The following TCF20 variants were observed in gnomAD, a reference collection of about 807,000 sequenced individuals.
TCF20 encodes SPRE-binding protein.
TCF20 carries 3 observed loss-of-function variants against 148.6 expected under a neutral mutation model. The observed-to-expected ratio is 0.02, with a 90% CI of 0.01 to 0.05. The LOEUF is 0.05. Ranked by LOEUF, TCF20 falls within the 10% of genes least tolerant of loss-of-function variation. The pLI, the probability that TCF20 is intolerant of heterozygous loss-of-function variation, is 1.00. For missense variants in TCF20, 2,350 were observed against 2,429.3 expected, an observed-to-expected ratio of 0.97 and a Z score of 0.69; for synonymous variants, 1,049 against 909.5, an observed-to-expected ratio of 1.15 and a Z score of -2.76.
chr22:42,241,313 TGA>T (rs1281293665), intron 1 of TCF20, among the ~76,000 whole-genome samples: 1 of 152,142 alleles, frequency 6.6e-6, no homozygotes, highest in Non-Finnish European at 1.5e-5. Context: ...GTAAGAACCA[TGA>T]GAGGCAGTTA....
At chr22:42,195,448 G>A (rs1244646125) in intron 2 of TCF20, among the ~76,000 whole-genome samples, 4 of 150,476 alleles carry the variant, frequency 2.7e-5, no homozygotes, top group East Asian at 2.0e-4. Context: ...ATTTTTATAC[G>A]TAGATTAAAA....
At chr22:42,243,292 CAAAAAAAAAAA>C (rs3045578) in intron 1 of TCF20, among the ~76,000 whole-genome samples, 16 of 39,502 alleles carry the variant, frequency 4.1e-4, no homozygotes, top group South Asian at 2.6e-3. Flanking sequence ...GACACTGTCT[CAAAAAAAAAAA>C]AAAAAAAAAA....
At chr22:42,264,135 G>A (rs1926160129) in intron 1 of TCF20, among the ~76,000 whole-genome samples, 1 of 151,888 alleles carries the variant, frequency 6.6e-6, no homozygotes, top group Admixed American at 6.6e-5. Context: ...GATCCGCACA[G>A]TTCCCTCCCT....
intron 1 of TCF20, among the ~76,000 whole-genome samples, chr22:42,277,870 A>G (rs766123973): frequency 3.3e-5 from 5 of 152,216 alleles, no homozygotes; most frequent in Non-Finnish European, 7.3e-5. Context: ...TCCTAGGCCA[A>G]GCTCTCAAAG....
chr22:42,246,402 C>A lies in TCF20; in HGVS notation c.-37+23937G>T, dbSNP rs983983286. ...TGGGATACAGGCATGAGTCACCAGG[C>A]CTGGCCTCAATATACTTAATTCTTT... is the stretch of plus-strand genomic sequence containing the variant. On this transcript the variant is annotated intron_variant, in intron 1 of 5. Coordinates refer to ENST00000677622, the MANE Select transcript of TCF20 (RefSeq NM_001378418.1). Among the ~76,000 whole-genome samples the A allele has an allele frequency of 2.0e-5, 3 of 152,216 alleles. No individual in the cohort carries two copies. In the South Asian group the frequency reaches 6.2e-4, roughly 32 times the overall value.
At chr22:42,263,815 C>T (rs1425957429) in intron 1 of TCF20, among the ~76,000 whole-genome samples, 1 of 152,158 alleles carries the variant, frequency 6.6e-6, no homozygotes, top group Non-Finnish European at 1.5e-5. Flanking sequence ...CCAGGAGCTT[C>T]CTTTTTCCAC....
rs1484347120 is a variant in TCF20 at position 42,211,980 on chromosome 22, A to G, written c.3326T>C (p.Ile1109Thr). 1 of 1,614,118 alleles carries G rather than the reference A, an allele frequency of 6.2e-7. No individual in the cohort carries two copies. The change falls in exon 2 of 6, where the codon ATT becomes ACT. Residue 1109 changes from isoleucine to threonine, a missense_variant. Ile to Thr is a moderately conservative substitution (Grantham distance 89). Coordinates refer to ENST00000677622, the MANE Select transcript of TCF20 (RefSeq NM_001378418.1). ...CTCCTGCCTGTGCTGTGCTGCAGCA[A>G]TTACTCCCTGAGCAGAACCGCTGCT... ...DWSSGSAQGV[I>T]AAAQHRQEGP...
At chr22:42,301,482 G>A (rs1051617788) in intron 1 of TCF20, among the ~76,000 whole-genome samples, 1 of 152,202 alleles carries the variant, frequency 6.6e-6, no homozygotes, top group Non-Finnish European at 1.5e-5. Context: ...CCTGCAAGGT[G>A]AGGACAGGAG....
intron 1 of TCF20, among the ~76,000 whole-genome samples, chr22:42,246,128 T>A (rs1411072622): frequency 1.3e-5 from 2 of 152,164 alleles, no homozygotes; most frequent in Admixed American, 1.3e-4. Flanking sequence ...TTTTCTGAGA[T>A]GGAGTCTCAC....
chr22:42,239,526 G>A (rs966155647), intron 1 of TCF20, among the ~76,000 whole-genome samples: 1 of 151,720 alleles, frequency 6.6e-6, no homozygotes, highest in African/African-American at 2.4e-5. Flanking sequence ...GGTGGCTCAT[G>A]CCTGTAATCC....
intron 2 of TCF20, among the ~76,000 whole-genome samples, chr22:42,188,380 T>C (rs1240915627): frequency 6.9e-6 from 1 of 145,520 alleles, no homozygotes; most frequent in Admixed American, 7.2e-5. Flanking sequence ...AATGTGAAGG[T>C]AACCCTTGGC....
At chr22:42,250,364 TG>T (rs1233386756) in intron 1 of TCF20, among the ~76,000 whole-genome samples, 3 of 145,474 alleles carry the variant, frequency 2.1e-5, no homozygotes, top group African/African-American at 7.7e-5. Context: ...GAAAATCGCC[TG>T]AACCCAGGAG....
chr22:42,220,948 C>T (rs767228707), intron 1 of TCF20, among the ~76,000 whole-genome samples: 2 of 152,224 alleles, frequency 1.3e-5, no homozygotes, highest in Non-Finnish European at 2.9e-5. Context: ...GAAGACTTCA[C>T]TTTCCTGTTG....
chr22:42,280,441 C>T (rs1437888052), intron 1 of TCF20, among the ~76,000 whole-genome samples: 2 of 152,248 alleles, frequency 1.3e-5, no homozygotes, highest in Non-Finnish European at 2.9e-5. Flanking sequence ...CTTGCCTTTG[C>T]TAAGCAAGGG....
intron 3 of TCF20, among the ~76,000 whole-genome samples, chr22:42,173,070 C>T (rs1649764020): frequency 6.6e-6 from 1 of 151,694 alleles, no homozygotes; most frequent in East Asian, 1.9e-4. Flanking sequence ...TAAAATGCTA[C>T]TGCAACGAGA....
In TCF20 at chr22:42,240,857, CT is replaced by C. The variant is rs770589433; in HGVS notation, c.-36-25517del. Among the ~76,000 whole-genome samples, 369 of 147,268 alleles carry C rather than the reference CT, an allele frequency of 2.5e-3. 11 individuals are homozygous for C. The East Asian group carries it at 0.045, about 18-fold the overall frequency. ...GTCCATAAAAAACTCAAATCTTCAA[CT>C]TTTTTTTTTTTCTGAGACAGAGTCT... is the stretch of plus-strand genomic sequence containing the variant. On this transcript the variant is annotated intron_variant, in intron 1 of 5. Transcript: ENST00000677622.
intron 2 of TCF20, among the ~76,000 whole-genome samples, chr22:42,202,124 T>C (rs1182440523): frequency 6.6e-6 from 1 of 152,188 alleles, no homozygotes; most frequent in Non-Finnish European, 1.5e-5. Context: ...AGAGATTAAG[T>C]TCTGAACACC....
At position 42,290,385 on chromosome 22, in the gene TCF20, C is replaced by T. The variant is rs900623296; in HGVS notation, c.-37+53094G>A. ...GCTAGCTAATCCCAGCCAAAACACA[C>T]GGAATGAGAATCGTTCAGAATCTTT... On this transcript the variant is annotated intron_variant, in intron 1 of 1. Transcript: ENST00000515426. This position sits in a 1 kb window ranked among gnomAD's most constrained non-coding sequence, Gnocchi z 4.2. Among the ~76,000 whole-genome samples, 1 of 152,226 alleles carries T rather than the reference C, an allele frequency of 6.6e-6. No individual in the cohort carries two copies. The highest frequency in any genetic ancestry group is 2.1e-4 in the South Asian group (1 of 4,836).
At chr22:42,298,703 A>G (rs1927278702) in intron 1 of TCF20, among the ~76,000 whole-genome samples, 1 of 152,238 alleles carries the variant, frequency 6.6e-6, no homozygotes, top group Admixed American at 6.5e-5. Flanking sequence ...GCATGGTCGC[A>G]AGTTTGCCCT....
Sources: gnomAD v4.1 joint callset for allele counts (sites outside exome capture counted in the v4.1 genomes callset) on GRCh38, gnomAD v4.1.1 for gene constraint, Gnocchi (gnomAD v3.1) non-coding constraint, MANE v1.5 for transcripts, NCBI Gene and HGNC (gene_info 2026-07-23, HGNC 2026-07-21) for gene names.